Variants in RGS6 observed in about 807,000 individuals in gnomAD.
RGS6 encodes regulator of G-protein signaling 6.
A neutral mutation model predicts 78.5 loss-of-function variants in RGS6; 30 were observed. That is an observed-to-expected ratio of 0.38 (90% confidence interval 0.29 to 0.52). The LOEUF is 0.52. Among genes scored for constraint, RGS6 ranks in the 20% least tolerant of loss-of-function variants. The pLI is 0.85. For missense variants in RGS6, 495 were observed against 609.7 expected (o/e 0.81, Z 1.98); for synonymous variants, 206 against 206.0 (o/e 1.00, Z 0.00).
At chr14:72,551,678 C>A (rs1439245727) in intron 17 of RGS6, among the ~76,000 whole-genome samples, 1 of 152,192 alleles carries the variant, frequency 6.6e-6, no homozygotes, top group Non-Finnish European at 1.5e-5. Flanking sequence ...TGACCCTGGG[C>A]AAGTCACTTG....
At chr14:72,146,454 C>G in intron 2 of RGS6, among the ~76,000 whole-genome samples, 1 of 152,210 alleles carries the variant, frequency 6.6e-6, no homozygotes, top group East Asian at 1.9e-4. Flanking sequence ...AGTCCATAGT[C>G]TCATCTAAAT....
the RGS6 span, among the ~76,000 whole-genome samples, chr14:71,909,029 G>C: frequency 6.6e-6 from 1 of 152,146 alleles, no homozygotes. Flanking sequence ...GTGTTAATGA[G>C]TGTTAACGAG....
intron 2 of RGS6, among the ~76,000 whole-genome samples, chr14:71,971,843 C>T (rs1158899715): frequency 1.3e-5 from 2 of 150,456 alleles, no homozygotes; most frequent in African/African-American, 4.9e-5. Context: ...GGCTGTTTGC[C>T]AGAGGCCATT....
intron 2 of RGS6, among the ~76,000 whole-genome samples, chr14:72,001,199 G>A (rs1369062991): frequency 2.0e-5 from 3 of 152,066 alleles, no homozygotes; most frequent in African/African-American, 7.3e-5. Flanking sequence ...TTGGGAACAT[G>A]TATTCGTCCC....
intron 2 of RGS6, among the ~76,000 whole-genome samples, chr14:71,982,323 A>AT (rs1355683887): frequency 6.6e-6 from 1 of 152,082 alleles, no homozygotes. Context: ...CCTTCTGTTT[A>AT]TTTTTTATTA....
At chr14:72,490,157 A>G (rs557728785) in intron 12 of RGS6, among the ~76,000 whole-genome samples, 1 of 152,262 alleles carries the variant, frequency 6.6e-6, no homozygotes, top group African/African-American at 2.4e-5. Flanking sequence ...AGGTAATTGA[A>G]TCATGGGGCA....
At chr14:72,510,624 A>G (rs1265989228) in intron 14 of RGS6, among the ~76,000 whole-genome samples, 2 of 152,254 alleles carry the variant, frequency 1.3e-5, no homozygotes, top group Non-Finnish European at 2.9e-5. Context: ...GAGGCATCTC[A>G]GAGGCTGTCT....
chr14:72,150,666 G>C (rs575065594), intron 2 of RGS6, among the ~76,000 whole-genome samples: 1 of 152,036 alleles, frequency 6.6e-6, no homozygotes, highest in Non-Finnish European at 1.5e-5. Context: ...TTGCTGCGAG[G>C]TGCTACATAC....
intron 3 of RGS6, among the ~76,000 whole-genome samples, chr14:72,407,306 A>C (rs951741295): frequency 6.6e-6 from 1 of 152,156 alleles, no homozygotes; most frequent in Non-Finnish European, 1.5e-5. Context: ...CTTTGCTTGT[A>C]GGCTTGTCGT....
At chr14:72,141,176 G>A (rs1168095274) in intron 2 of RGS6, among the ~76,000 whole-genome samples, 1 of 152,036 alleles carries the variant, frequency 6.6e-6, no homozygotes, top group South Asian at 2.1e-4. Context: ...GGAGTTTCTG[G>A]GGCCATTCAC....
chr14:72,614,542 T>C, the RGS6 span, among the ~76,000 whole-genome samples: 1 of 151,992 alleles, frequency 6.6e-6, no homozygotes, highest in Non-Finnish European at 1.5e-5. Context: ...TAGCAGTGCC[T>C]GGAAATGCTT....
At chr14:72,369,762 T>C (rs937649506) in intron 3 of RGS6, among the ~76,000 whole-genome samples, 1 of 152,212 alleles carries the variant, frequency 6.6e-6, no homozygotes, top group Non-Finnish European at 1.5e-5. Context: ...CCAGGTCTAA[T>C]GTAGTTTAAA....
intron 3 of RGS6, among the ~76,000 whole-genome samples, chr14:72,408,282 T>C (rs1360487045): frequency 6.6e-6 from 1 of 152,182 alleles, no homozygotes; most frequent in African/African-American, 2.4e-5. Flanking sequence ...ACTTGCAAAT[T>C]CTACTAGTTT....
intron 2 of RGS6, among the ~76,000 whole-genome samples, chr14:72,140,903 C>A (rs1389850360): frequency 6.6e-6 from 1 of 152,204 alleles, no homozygotes; most frequent in African/African-American, 2.4e-5. Flanking sequence ...GGACTTGGTC[C>A]CCACTGTGTT....
At chr14:71,891,174 C>T in the RGS6 span, among the ~76,000 whole-genome samples, 2 of 152,190 alleles carry the variant, frequency 1.3e-5, no homozygotes, top group Admixed American at 1.3e-4. Flanking sequence ...TCACCCAGAT[C>T]TCCTGTAGGT....
chr14:72,378,919 T>C (rs932852535), intron 3 of RGS6, among the ~76,000 whole-genome samples: 6 of 152,040 alleles, frequency 3.9e-5, no homozygotes, highest in Admixed American at 2.6e-4. Context: ...TTAATGAACA[T>C]AGACACAAAA....
chr14:72,161,617 C>T (rs1211376140), intron 2 of RGS6, among the ~76,000 whole-genome samples: 2 of 152,180 alleles, frequency 1.3e-5, no homozygotes, highest in African/African-American at 4.8e-5. Context: ...TCAAAACAGA[C>T]ACTGTGGTGA....
chr14:72,063,795 T>C (rs1315022632), intron 2 of RGS6, among the ~76,000 whole-genome samples: 2 of 152,010 alleles, frequency 1.3e-5, no homozygotes, highest in Non-Finnish European at 2.9e-5. Flanking sequence ...CACACACTTA[T>C]GGGAAGATAC....
chr14:72,013,457 T>G (rs1289707912), intron 2 of RGS6, among the ~76,000 whole-genome samples: 1 of 152,010 alleles, frequency 6.6e-6, no homozygotes, highest in Non-Finnish European at 1.5e-5. Context: ...CTTGCAAATT[T>G]AAAAGGTAAA....
Sources: allele counts gnomAD v4.1 joint callset (sites outside exome capture counted in the v4.1 genomes callset), GRCh38; gene constraint gnomAD v4.1.1; transcripts MANE v1.5; gene names NCBI Gene and HGNC (gene_info 2026-07-23, HGNC 2026-07-21).